The following CLSTN2 variants were observed in gnomAD, a reference collection of about 807,000 sequenced individuals.
CLSTN2 encodes the protein calsyntenin-2.
CLSTN2 carries 48 observed loss-of-function variants against 101.2 expected under a neutral mutation model. The ratio of observed to expected loss-of-function variants is 0.47; its 90% confidence interval spans 0.38 to 0.60. The LOEUF (loss-of-function observed/expected upper bound fraction) is 0.60, where lower values mean the gene tolerates loss of function less well. CLSTN2 is among the 20% of genes least tolerant of loss of function. CLSTN2 has a pLI of 0.00. For synonymous variants in CLSTN2, 481 were observed against 463.6 expected (o/e 1.04, Z -0.48); for missense variants, 1,160 against 1,238.2 (o/e 0.94, Z 0.95).
intron 1 of CLSTN2, among the ~76,000 whole-genome samples, chr3:140,040,683 G>A (rs187263792): frequency 3.3e-5 from 5 of 152,178 alleles, no homozygotes; most frequent in African/African-American, 1.2e-4. Context: ...CAAGCAATTT[G>A]AGGAGATTAA....
At chr3:140,166,598 T>C (rs772787875) in intron 1 of CLSTN2, among the ~76,000 whole-genome samples, 2 of 152,096 alleles carry the variant, frequency 1.3e-5, no homozygotes, top group African/African-American at 2.4e-5. Flanking sequence ...GGATGGAGCA[T>C]TAATACACTT....
chr3:140,354,444 A>C (rs1042160050), intron 2 of CLSTN2, among the ~76,000 whole-genome samples: 2 of 152,120 alleles, frequency 1.3e-5, no homozygotes, highest in Non-Finnish European at 2.9e-5. Context: ...CATGACAACC[A>C]CGTATGCTTT....
chr3:140,345,270 CAG>C (rs370441270), intron 2 of CLSTN2, among the ~76,000 whole-genome samples: 194 of 134,028 alleles, frequency 1.4e-3, no homozygotes, highest in African/African-American at 4.9e-3. Context: ...TTTTTTGAGA[CAG>C]AGTTTCACTC....
chr3:139,956,893 T>A (rs965872987), intron 1 of CLSTN2, among the ~76,000 whole-genome samples: 8 of 152,184 alleles, frequency 5.3e-5, no homozygotes, highest in African/African-American at 1.9e-4. Flanking sequence ...AACTTAACTT[T>A]ACCAAGGCTG....
At chr3:140,092,086 C>T (rs2008788390) in intron 1 of CLSTN2, among the ~76,000 whole-genome samples, 1 of 152,150 alleles carries the variant, frequency 6.6e-6, no homozygotes, top group African/African-American at 2.4e-5. Flanking sequence ...TCTGCAAAGG[C>T]TGCTGTGAGA....
intron 4 of CLSTN2, among the ~76,000 whole-genome samples, chr3:140,418,996 C>G (rs1260894393): frequency 1.3e-5 from 2 of 151,230 alleles, no homozygotes; most frequent in Admixed American, 6.6e-5. Flanking sequence ...GGTACCAATA[C>G]TCTTTCACTA....
chr3:140,212,267 G>T (rs1180528841), intron 2 of CLSTN2, among the ~76,000 whole-genome samples: 2 of 152,188 alleles, frequency 1.3e-5, no homozygotes, highest in Non-Finnish European at 2.9e-5. Context: ...TGTTGGATCT[G>T]TCCAGTGTTA....
chr3:140,388,034 C>T (rs2088072928), intron 2 of CLSTN2, among the ~76,000 whole-genome samples: 1 of 152,208 alleles, frequency 6.6e-6, no homozygotes, highest in African/African-American at 2.4e-5. Flanking sequence ...ACAAGCACCA[C>T]GATTGCTTCT....
intron 8 of CLSTN2, among the ~76,000 whole-genome samples, chr3:140,476,527 G>A (rs931829857): frequency 6.6e-6 from 1 of 152,056 alleles, no homozygotes; most frequent in Non-Finnish European, 1.5e-5. Flanking sequence ...TTGGGTGAAT[G>A]TACAATCTTA....
At chr3:140,157,636 T>C (rs538192090) in intron 1 of CLSTN2, among the ~76,000 whole-genome samples, 1 of 152,340 alleles carries the variant, frequency 6.6e-6, no homozygotes, top group South Asian at 2.1e-4. Context: ...ATTCCTTTGT[T>C]AATCTGGTTA....
intron 1 of CLSTN2, among the ~76,000 whole-genome samples, chr3:140,150,577 C>T (rs550164014): frequency 1.3e-5 from 2 of 152,190 alleles, no homozygotes; most frequent in South Asian, 2.1e-4. Flanking sequence ...CTGGGGTGGC[C>T]CTTATTCAGT....
At position 139,991,044 on chromosome 3, in the gene CLSTN2, A is replaced by G. The variant is rs553749942; in HGVS notation, c.109+55561A>G. Among the ~76,000 whole-genome samples the G allele has an allele frequency of 4.6e-5, 7 of 152,374 alleles. No individual in the cohort carries two copies. The East Asian group carries it at 1.3e-3, about 29-fold the overall frequency. ...TAAAGTAAATAATAGTACAGGTGGCACATAGCTATAGCAGAAATCATGAAA... is the reference window on the plus strand; with the variant it reads ...TAAAGTAAATAATAGTACAGGTGGCGCATAGCTATAGCAGAAATCATGAAA... On this transcript the variant is annotated intron_variant, in intron 1 of 16. Transcript: ENST00000458420.
intron 8 of CLSTN2, among the ~76,000 whole-genome samples, chr3:140,495,500 C>A (rs1934447310): frequency 6.6e-6 from 1 of 152,062 alleles, no homozygotes; most frequent in South Asian, 2.1e-4. Context: ...GCTTTTGTTG[C>A]AATTGTTTTT....
intron 2 of CLSTN2, among the ~76,000 whole-genome samples, chr3:140,195,011 T>C (rs550838887): frequency 6.6e-6 from 1 of 152,296 alleles, no homozygotes; most frequent in East Asian, 1.9e-4. Context: ...TTGCTGGCCA[T>C]TGGGGATGAA....
chr3:140,417,970 A>T (rs1391677199), intron 4 of CLSTN2, among the ~76,000 whole-genome samples: 1 of 152,208 alleles, frequency 6.6e-6, no homozygotes, highest in Non-Finnish European at 1.5e-5. Context: ...ATGGAAGTAG[A>T]CCTGCAACAA....
chr3:140,259,970 A>T (rs2086636751), intron 2 of CLSTN2, among the ~76,000 whole-genome samples: 2 of 151,884 alleles, frequency 1.3e-5, no homozygotes, highest in Admixed American at 6.6e-5. Flanking sequence ...AGCCTACTTG[A>T]GGGTGGAGGG....
chr3:140,548,395 G>A lies in CLSTN2; in HGVS notation c.1674+1714G>A, dbSNP rs150341098. Among the ~76,000 whole-genome samples the A allele has an allele frequency of 5.3e-5, 8 of 152,322 alleles. No individual in the cohort carries two copies. The South Asian group carries it at 6.2e-4, about 12-fold the overall frequency. The stretch of plus-strand genomic sequence containing the variant: ...CCCAGAACACTTGTACATGAGGAAC[G>A]AAAGACTGAAGGAGATGGGAACTTG... On this transcript the variant is annotated intron_variant, in intron 10 of 16. Transcript: ENST00000458420.
At chr3:140,325,313 C>G (rs1292499719) in intron 2 of CLSTN2, among the ~76,000 whole-genome samples, 1 of 152,152 alleles carries the variant, frequency 6.6e-6, no homozygotes, top group Non-Finnish European at 1.5e-5. Flanking sequence ...AGTGGGTTCC[C>G]ACAGCAGTGG....
chr3:140,164,428 A>G (rs2010099925), intron 1 of CLSTN2, among the ~76,000 whole-genome samples: 1 of 152,222 alleles, frequency 6.6e-6, no homozygotes, highest in Admixed American at 6.5e-5. Flanking sequence ...CCAATGAGCC[A>G]GCTCTAACTC....
Sources: gnomAD v4.1 joint callset for allele counts (sites outside exome capture counted in the v4.1 genomes callset) on GRCh38, gnomAD v4.1.1 for gene constraint, MANE v1.5 for transcripts, NCBI Gene and HGNC (gene_info 2026-07-23, HGNC 2026-07-21) for gene names.